The following CHCHD3 variants were observed in gnomAD, a reference collection of about 807,000 sequenced individuals.
CHCHD3 encodes coiled-coil-helix-coiled-coil-helix domain containing 3, also known as MICOS complex subunit MIC19.
In CHCHD3, 20 loss-of-function variants were observed where a neutral mutation model predicts 38.2. That is an observed-to-expected ratio of 0.52 (90% CI 0.37 to 0.76). The LOEUF is 0.76. Ranked by LOEUF, CHCHD3 falls within the 30% of genes least tolerant of loss-of-function variation. The probability of loss-of-function intolerance (pLI) is 0.00; values close to 1 mark genes in which losing one functional copy is unlikely to be tolerated. For synonymous variants in CHCHD3, 82 were observed against 100.0 expected, an observed-to-expected ratio of 0.82 and a Z score of 1.07; for missense variants, 245 against 279.2, an observed-to-expected ratio of 0.88 and a Z score of 0.87.
intron 6 of CHCHD3, among the ~76,000 whole-genome samples, chr7:132,807,602 CATAAATAT>C (rs2117045675): frequency 1.4e-5 from 1 of 71,278 alleles, no homozygotes; most frequent in South Asian, 6.0e-4. Context: ...CTAACATACA[CATAAATAT>C]ATATATATAT....
intron 1 of CHCHD3, among the ~76,000 whole-genome samples, chr7:133,072,276 C>T (rs1264419035): frequency 6.8e-6 from 1 of 147,262 alleles, no homozygotes; most frequent in Non-Finnish European, 1.5e-5. Flanking sequence ...AAAAAAAAAG[C>T]TATTATGGTA....
rs551001685 is a variant in CHCHD3, at chr7:133,029,997, C to T, written c.170-5370G>A. Among the ~76,000 whole-genome samples, 88 of 150,326 alleles carry T rather than the reference C, an allele frequency of 5.9e-4. 1 individual carries two copies. Among genetic ancestry groups the T allele is most frequent in the African/African-American group, 2.0e-3 (82 of 40,680 alleles). The stretch of plus-strand genomic sequence containing the variant: ...CACAGCTATCTTTCTAATGCCCTAC[C>T]TATTTCCAGAAAAGGAAAAAAAAAA... On this transcript the variant is annotated intron_variant, in intron 2 of 7. Coordinates refer to ENST00000262570, the MANE Select transcript of CHCHD3 (RefSeq NM_017812.4).
chr7:132,845,434 C>T (rs1460585548), intron 5 of CHCHD3, among the ~76,000 whole-genome samples: 1 of 152,158 alleles, frequency 6.6e-6, no homozygotes, highest in Non-Finnish European at 1.5e-5. Context: ...ATGTTGCTCA[C>T]ACTGCTTACC....
intron 2 of CHCHD3, among the ~76,000 whole-genome samples, chr7:133,055,557 T>C (rs977785546): frequency 1.4e-5 from 2 of 147,060 alleles, no homozygotes; most frequent in Non-Finnish European, 1.5e-5. Flanking sequence ...ATAATTATTA[T>C]GTATTTATTA....
At chr7:132,808,020 G>A (rs896088764) in intron 6 of CHCHD3, among the ~76,000 whole-genome samples, 2 of 151,890 alleles carry the variant, frequency 1.3e-5, no homozygotes, top group African/African-American at 2.4e-5. Flanking sequence ...ACTTAAAGAC[G>A]ACAGATATGA....
intron 6 of CHCHD3, among the ~76,000 whole-genome samples, chr7:132,814,257 C>T (rs779392939): frequency 1.3e-5 from 2 of 152,164 alleles, no homozygotes; most frequent in Non-Finnish European, 2.9e-5. Context: ...TGTGAAGCCA[C>T]GCTAGCAGTC....
chr7:132,891,107 C>G (rs1444728672), intron 4 of CHCHD3, among the ~76,000 whole-genome samples: 4 of 152,132 alleles, frequency 2.6e-5, no homozygotes, highest in Non-Finnish European at 5.9e-5. Flanking sequence ...CTGTGAATAT[C>G]AATTAGCTGT....
At chr7:132,939,588 T>C (rs992732467) in intron 4 of CHCHD3, among the ~76,000 whole-genome samples, 3 of 152,210 alleles carry the variant, frequency 2.0e-5, no homozygotes, top group African/African-American at 7.2e-5. Context: ...CACACAATGA[T>C]GCATTTTTCA....
At chr7:132,819,340 T>A (rs1360320501) in intron 6 of CHCHD3, among the ~76,000 whole-genome samples, 1 of 152,202 alleles carries the variant, frequency 6.6e-6, no homozygotes, top group Non-Finnish European at 1.5e-5. Flanking sequence ...TGTGAGTGAG[T>A]TAGCCCAGGC....
intron 4 of CHCHD3, among the ~76,000 whole-genome samples, chr7:132,903,957 T>C (rs1232594315): frequency 6.6e-6 from 1 of 152,194 alleles, no homozygotes; most frequent in Non-Finnish European, 1.5e-5. Flanking sequence ...ATTTCTCAGC[T>C]ATCAAAAATA....
chr7:132,820,132 TAA>T (rs199597552), intron 6 of CHCHD3, among the ~76,000 whole-genome samples: 1 of 149,630 alleles, frequency 6.7e-6, no homozygotes, highest in Non-Finnish European at 1.5e-5. Flanking sequence ...GGCAAGCTGT[TAA>T]AAAAAAAAGT....
chr7:132,937,301 G>A (rs370421284), intron 4 of CHCHD3, among the ~76,000 whole-genome samples: 3 of 152,102 alleles, frequency 2.0e-5, no homozygotes, highest in East Asian at 1.9e-4. Flanking sequence ...AGCTATCTTA[G>A]GTTTAATAGC....
chr7:132,810,531 A>C (rs1807040441), intron 6 of CHCHD3, among the ~76,000 whole-genome samples: 1 of 152,346 alleles, frequency 6.6e-6, no homozygotes, highest in East Asian at 1.9e-4. Context: ...TGCTGCTGAG[A>C]CTAAAATGAA....
intron 6 of CHCHD3, among the ~76,000 whole-genome samples, chr7:132,801,959 C>A (rs1412006411): frequency 6.6e-6 from 1 of 152,074 alleles, no homozygotes; most frequent in Non-Finnish European, 1.5e-5. Context: ...AGTGTTAGGA[C>A]CCTGAGTAAA....
intron 2 of CHCHD3, among the ~76,000 whole-genome samples, chr7:133,039,338 T>C (rs1227219948): frequency 6.6e-6 from 1 of 152,232 alleles, no homozygotes; most frequent in Non-Finnish European, 1.5e-5. Context: ...TCTTATTTAT[T>C]TGGATTTAAA....
At chr7:133,078,929 T>G (rs959332900) in intron 1 of CHCHD3, among the ~76,000 whole-genome samples, 2 of 152,216 alleles carry the variant, frequency 1.3e-5, no homozygotes, top group African/African-American at 4.8e-5. Flanking sequence ...CGGCACCATG[T>G]TCTAACAAAC....
intron 2 of CHCHD3, among the ~76,000 whole-genome samples, chr7:133,059,834 G>A (rs1221152215): frequency 6.6e-6 from 1 of 152,112 alleles, no homozygotes; most frequent in Non-Finnish European, 1.5e-5. Flanking sequence ...GTACATATCA[G>A]GCTTCATTAT....
At chr7:133,034,307 TAAGG>T (rs1322370454) in intron 2 of CHCHD3, among the ~76,000 whole-genome samples, 6 of 152,136 alleles carry the variant, frequency 3.9e-5, no homozygotes, top group Non-Finnish European at 8.8e-5. Flanking sequence ...TTTTTGAAAT[TAAGG>T]AAGTGAGGGT....
At chr7:132,911,815 G>C (rs1248959046) in intron 4 of CHCHD3, among the ~76,000 whole-genome samples, 1 of 152,190 alleles carries the variant, frequency 6.6e-6, no homozygotes, top group Non-Finnish European at 1.5e-5. Context: ...TTGCTATCCA[G>C]TAGAACCCCC....
Sources: allele counts gnomAD v4.1 joint callset (sites outside exome capture counted in the v4.1 genomes callset), GRCh38; gene constraint gnomAD v4.1.1; transcripts MANE v1.5; gene names NCBI Gene and HGNC (gene_info 2026-07-23, HGNC 2026-07-21).